Variants in FUT8 observed in about 807,000 individuals in gnomAD.
The protein encoded by FUT8 is fucosyltransferase 8.
In FUT8, 29 loss-of-function variants were observed where a neutral mutation model predicts 71.3. That is an observed-to-expected ratio of 0.41 (90% CI 0.30 to 0.55). The LOEUF (loss-of-function observed/expected upper bound fraction) is 0.55, where lower values mean the gene tolerates loss of function less well. Among genes scored for constraint, FUT8 ranks in the 20% least tolerant of loss-of-function variants. The pLI is 0.34. For synonymous variants in FUT8, 254 were observed against 239.3 expected (o/e 1.06, Z -0.57); for missense variants, 544 against 702.1 (o/e 0.77, Z 2.55).
chr14:65,650,441 A>G lies in FUT8; in HGVS notation c.598-18802A>G, dbSNP rs913808924. ...GCCTCAGGAAACTTACAATCATGGC[A>G]GAAGGGGATGTGAGATGTCTTACAT... is the stretch of plus-strand genomic sequence containing the variant. On this transcript the variant is annotated intron_variant, in intron 6 of 10. Coordinates refer to ENST00000673929, the MANE Select transcript of FUT8 (RefSeq NM_001371533.1). 4.6e-5 allele frequency among the ~76,000 whole-genome samples: 7 copies of G among 151,896 alleles called. No homozygotes were observed. The East Asian group carries it at 1.3e-3, about 29-fold the overall frequency.
the FUT8 span, among the ~76,000 whole-genome samples, chr14:65,376,090 C>T: frequency 8.6e-6 from 1 of 116,810 alleles, no homozygotes; most frequent in East Asian, 2.3e-4. Context: ...GACCCTGTCT[C>T]AAAAAAAAAA....
chr14:65,446,487 A>G (rs1335921415), intron 1 of FUT8, among the ~76,000 whole-genome samples: 1 of 152,180 alleles, frequency 6.6e-6, no homozygotes, highest in Non-Finnish European at 1.5e-5. Flanking sequence ...AGTGATAGTG[A>G]TATTCTAAAT....
intron 6 of FUT8, among the ~76,000 whole-genome samples, chr14:65,631,064 T>C (rs1386761730): frequency 6.6e-6 from 1 of 152,208 alleles, no homozygotes; most frequent in Non-Finnish European, 1.5e-5. Flanking sequence ...CTTGGCATGC[T>C]ATCTTGGTCT....
At position 65,464,259 on chromosome 14, in the gene FUT8, G is replaced by GTTTTT. The variant is rs3084724; in HGVS notation, c.-228+8557_-228+8561dup. Among the ~76,000 whole-genome samples the GTTTTT allele has an allele frequency of 2.0e-4, 23 of 116,534 alleles. 1 individual carries two copies. The East Asian group carries it at 2.4e-3, about 12-fold the overall frequency. 76.5% of individuals were successfully genotyped at this position (116,534 alleles called of 152,430 possible). On this transcript the variant is annotated intron_variant, in intron 2 of 10. Coordinates refer to ENST00000673929, the MANE Select transcript of FUT8 (RefSeq NM_001371533.1). ...AGGAGTTTGTTGGTCAGTACTTTGG[G>GTTTTT]TTTTTTTTTTTTTTTTTTTTACATA...
upstream of FUT8, among the ~76,000 whole-genome samples, chr14:65,407,493 G>A (rs2065092423): frequency 1.3e-5 from 2 of 152,160 alleles, no homozygotes; most frequent in East Asian, 1.9e-4. Flanking sequence ...TAGAGACAGG[G>A]GTCTTGCTAT....
At chr14:65,602,343 TCACACACACACA>T (rs1163052408) in intron 3 of FUT8, among the ~76,000 whole-genome samples, 1,772 of 48,442 alleles carry the variant, frequency 0.037, 44 homozygotes, top group African/African-American at 0.043. Flanking sequence ...GTTCCATCTC[TCACACACACACA>T]CACACACACA....
intron 2 of FUT8, chr14:65,516,296 T>A (rs570266806): frequency 1.3e-5 from 2 of 152,140 alleles, no homozygotes; most frequent in Admixed American, 6.6e-5. Flanking sequence ...GCATGCATAG[T>A]CCTTAACCCT....
intron 6 of FUT8, among the ~76,000 whole-genome samples, chr14:65,664,335 C>T (rs1361413919): frequency 6.6e-6 from 1 of 152,122 alleles, no homozygotes; most frequent in Non-Finnish European, 1.5e-5. Flanking sequence ...CATGATACCA[C>T]ACTCCTCTGT....
chr14:65,651,697 A>T (rs1891415238), intron 6 of FUT8, among the ~76,000 whole-genome samples: 1 of 152,232 alleles, frequency 6.6e-6, no homozygotes, highest in South Asian at 2.1e-4. Context: ...GTAATAGATG[A>T]TATAAGGGAG....
At chr14:65,735,219 AT>A (rs5809285) in intron 10 of FUT8, among the ~76,000 whole-genome samples, 125,174 of 151,060 alleles carry the variant, frequency 0.83, 52,082 homozygotes, top group East Asian at 1. Context: ...TTGCTTTACT[AT>A]TTTTTTTTTC....
intron 2 of FUT8, among the ~76,000 whole-genome samples, chr14:65,468,552 T>G (rs886084199): frequency 6.6e-6 from 1 of 152,122 alleles, no homozygotes; most frequent in African/African-American, 2.4e-5. Flanking sequence ...CGAGATATCT[T>G]ATTGGTCTTA....
intron 6 of FUT8, among the ~76,000 whole-genome samples, chr14:65,657,573 A>G (rs1377381115): frequency 6.6e-6 from 1 of 152,218 alleles, no homozygotes; most frequent in Non-Finnish European, 1.5e-5. Context: ...AACCAGGCAA[A>G]GAAAGACACA....
chr14:65,736,272 T>C (rs1896212322), intron 10 of FUT8, among the ~76,000 whole-genome samples: 1 of 151,982 alleles, frequency 6.6e-6, no homozygotes, highest in Non-Finnish European at 1.5e-5. Flanking sequence ...GCTATTATTA[T>C]ATATATGAAT....
chr14:65,393,027 T>G, the FUT8 span, among the ~76,000 whole-genome samples: 1 of 151,820 alleles, frequency 6.6e-6, no homozygotes, highest in African/African-American at 2.4e-5. Context: ...AGACTAGGAG[T>G]GGATGTATTG....
intron 1 of FUT8, among the ~76,000 whole-genome samples, chr14:65,439,394 C>A (rs2065607878): frequency 6.6e-6 from 1 of 152,068 alleles, no homozygotes; most frequent in Admixed American, 6.5e-5. Flanking sequence ...TGGACATGTA[C>A]CTCATATAGG....
At chr14:65,521,937 G>C (rs1186069966) in intron 2 of FUT8, among the ~76,000 whole-genome samples, 1 of 151,174 alleles carries the variant, frequency 6.6e-6, no homozygotes, top group Non-Finnish European at 1.5e-5. Context: ...AGATCATTTA[G>C]ATAACTCTTT....
At chr14:65,519,600 A>G (rs1202463629) in intron 2 of FUT8, among the ~76,000 whole-genome samples, 1 of 152,148 alleles carries the variant, frequency 6.6e-6, no homozygotes, top group African/African-American at 2.4e-5. Flanking sequence ...GTTTCTGGAT[A>G]AATTTTTTTA....
chr14:65,592,475 A>G (rs1187992127), intron 3 of FUT8, among the ~76,000 whole-genome samples: 2 of 152,106 alleles, frequency 1.3e-5, no homozygotes, highest in Non-Finnish European at 2.9e-5. Flanking sequence ...TATCTGTATT[A>G]GATAGATAGA....
At chr14:65,629,687 T>A (rs1890075771) in intron 6 of FUT8, 81 bp downstream of exon 6, 2 of 984,202 alleles carry the variant, frequency 2.0e-6, no homozygotes, top group East Asian at 2.4e-5. Flanking sequence ...TTTCAGTTGT[T>A]TTTAGTCTTC....
Sources: allele counts gnomAD v4.1 joint callset (sites outside exome capture counted in the v4.1 genomes callset), GRCh38; gene constraint gnomAD v4.1.1; transcripts MANE v1.5; gene names NCBI Gene and HGNC (gene_info 2026-07-23, HGNC 2026-07-21).